The following MYO16 variants were observed in gnomAD, a reference collection of about 807,000 sequenced individuals.
MYO16 encodes myosin XVI, also known as unconventional myosin-XVI.
MYO16 carries 94 observed loss-of-function variants against 205.3 expected under a neutral mutation model. The observed-to-expected ratio is 0.46, with a 90% confidence interval of 0.39 to 0.54. The LOEUF is 0.54. MYO16 is among the 20% of genes least tolerant of loss of function. The probability of loss-of-function intolerance (pLI) is 0.00; values close to 1 mark genes in which losing one functional copy is unlikely to be tolerated. For missense variants in MYO16, 2,315 were observed against 2,387.5 expected (o/e 0.97, Z 0.63); for synonymous variants, 988 against 954.0 (o/e 1.04, Z -0.66).
rs569071876 is a variant in MYO16, at chr13:109,098,234, A to G, written c.3336-2551A>G. Among the ~76,000 whole-genome samples the G allele has an allele frequency of 3.0e-4, 45 of 152,336 alleles. 3 individuals are homozygous for G. The South Asian group carries it at 8.7e-3, about 29-fold the overall frequency. On this transcript the variant is annotated intron_variant, in intron 27 of 34. Transcript: ENST00000457511. ...GCGGTTCAGGCGTGAATATTAAATC[A>G]TTATAACTAGAATCAAACACATCTT...
chr13:108,812,180 C>G (rs890022043), intron 7 of MYO16, among the ~76,000 whole-genome samples: 8 of 152,150 alleles, frequency 5.3e-5, no homozygotes, highest in Non-Finnish European at 1.2e-4. Context: ...TCCTAATGCT[C>G]GGAATTTGCA....
At chr13:108,811,517 T>C (rs1426301440) in intron 7 of MYO16, among the ~76,000 whole-genome samples, 1 of 149,080 alleles carries the variant, frequency 6.7e-6, no homozygotes, top group Non-Finnish European at 1.5e-5. Flanking sequence ...GGCTGTCTCT[T>C]TTTTTCTGTC....
At chr13:108,716,245 G>T (rs1883940592) in intron 3 of MYO16, among the ~76,000 whole-genome samples, 1 of 152,176 alleles carries the variant, frequency 6.6e-6, no homozygotes. Context: ...ACAGTATACA[G>T]AGTATAATCT....
intron 33 of MYO16, among the ~76,000 whole-genome samples, chr13:109,179,257 C>T (rs1283807660): frequency 1.3e-5 from 2 of 152,210 alleles, no homozygotes; most frequent in African/African-American, 4.8e-5. Context: ...AGTTTCCCTT[C>T]TCCCCTCCAA....
intron 2 of MYO16, among the ~76,000 whole-genome samples, chr13:108,681,856 A>T (rs1389974037): frequency 6.6e-6 from 1 of 152,204 alleles, no homozygotes; most frequent in East Asian, 1.9e-4. Flanking sequence ...ATTGCTATTC[A>T]TGGTCCTCCA....
the MYO16 span, among the ~76,000 whole-genome samples, chr13:108,528,094 A>G: frequency 6.6e-6 from 1 of 152,236 alleles, no homozygotes; most frequent in Admixed American, 6.5e-5. Flanking sequence ...AAGTAAGATT[A>G]TGGAAAATAA....
At chr13:108,922,410 C>A (rs1050491421) in intron 16 of MYO16, among the ~76,000 whole-genome samples, 4 of 152,150 alleles carry the variant, frequency 2.6e-5, no homozygotes, top group African/African-American at 9.7e-5. Context: ...TTTAAAAAGG[C>A]AGCAATCGAA....
At chr13:109,168,922 G>A (rs564091895) in intron 33 of MYO16, among the ~76,000 whole-genome samples, 1 of 152,218 alleles carries the variant, frequency 6.6e-6, no homozygotes, top group South Asian at 2.1e-4. Flanking sequence ...GTGGCTGTAT[G>A]GCATCGTGGC....
At chr13:108,664,480 G>T (rs1881638968) in intron 1 of MYO16, among the ~76,000 whole-genome samples, 3 of 152,204 alleles carry the variant, frequency 2.0e-5, no homozygotes, top group African/African-American at 7.2e-5. Flanking sequence ...TGAGAATAAA[G>T]ACTTGGAAAG....
chr13:108,977,700 G>C (rs2139407077), intron 20 of MYO16, among the ~76,000 whole-genome samples: 1 of 152,200 alleles, frequency 6.6e-6, no homozygotes, highest in South Asian at 2.1e-4. Context: ...CTGTTTGTTA[G>C]CAATGTTTCT....
chr13:108,522,718 A>T, the MYO16 span, among the ~76,000 whole-genome samples: 1 of 151,486 alleles, frequency 6.6e-6, no homozygotes, highest in Admixed American at 6.6e-5. Flanking sequence ...CGGCTTGTAG[A>T]TCTCTGCTTT....
chr13:108,852,628 C>T (rs757769149), intron 10 of MYO16, among the ~76,000 whole-genome samples: 1 of 152,144 alleles, frequency 6.6e-6, no homozygotes, highest in Non-Finnish European at 1.5e-5. Context: ...GAGAACAGCG[C>T]GGACAGACCC....
At chr13:108,877,834 G>C (rs1879398480) in intron 12 of MYO16, among the ~76,000 whole-genome samples, 1 of 152,112 alleles carries the variant, frequency 6.6e-6, no homozygotes, top group African/African-American at 2.4e-5. Context: ...ATTTAATGTA[G>C]TAAGATCGCT....
chr13:108,639,475 G>T (rs1402648845), intron 1 of MYO16, among the ~76,000 whole-genome samples: 1 of 152,140 alleles, frequency 6.6e-6, no homozygotes, highest in Non-Finnish European at 1.5e-5. Flanking sequence ...AACCCAAGCA[G>T]ACCCTGTATC....
chr13:108,780,477 G>A (rs1022018969), intron 4 of MYO16, among the ~76,000 whole-genome samples: 2 of 152,106 alleles, frequency 1.3e-5, no homozygotes, highest in Non-Finnish European at 2.9e-5. Context: ...AGGAAGGAAG[G>A]AAGGGAGGGA....
rs1878454350 is a variant in MYO16, at chr13:109,162,932, A to G, written c.5165-1969A>G. Among the ~76,000 whole-genome samples the G allele has an allele frequency of 6.6e-6, 1 of 152,222 alleles. No individual in the cohort carries two copies. Among genetic ancestry groups the G allele is most frequent in the Non-Finnish European group, 1.5e-5 (1 of 68,044 alleles). ...GCCCATTCAATAATTGCTCATTGTCAAGAGCTAAAACAGTTAAGATCACCT... is the reference window on the plus strand; with the variant it reads ...GCCCATTCAATAATTGCTCATTGTCGAGAGCTAAAACAGTTAAGATCACCT... On this transcript the variant is annotated intron_variant, in intron 32 of 34. Coordinates refer to ENST00000457511, the MANE Select transcript of MYO16 (RefSeq NM_001198950.3). The surrounding 1 kb of genome is among the most constrained non-coding windows in gnomAD (Gnocchi z 4.6).
chr13:108,510,485 T>TTTTTTTTTTTTTTTTTTTTTTTTTA, the MYO16 span, among the ~76,000 whole-genome samples: 1 of 96,440 alleles, frequency 1.0e-5, no homozygotes, highest in Non-Finnish European at 2.2e-5. Context: ...TTTTTTTTTT[T>TTTTTTTTTTTTTTTTTTTTTTTTTA]ATTGTACTTT....
chr13:108,713,741 G>T (rs1883814771), intron 3 of MYO16, among the ~76,000 whole-genome samples: 1 of 152,208 alleles, frequency 6.6e-6, no homozygotes, highest in South Asian at 2.1e-4. Context: ...AACAGAAAAA[G>T]AACAGAGAAT....
In MYO16 at chr13:109,207,088, G is replaced by A. The variant is rs888313515; in HGVS notation, c.*252G>A. On this transcript the variant is annotated 3_prime_UTR_variant, in exon 35 of 35. Transcript: ENST00000457511. The stretch of plus-strand genomic sequence containing the variant: ...TCAAGCTCCTCATTTACGGCTCTGT[G>A]CTACCCCTAGGTAGCAAGAGAGAGG... 2.2e-6 allele frequency: 1 copy of A among 460,334 alleles called. No homozygotes were observed. Among genetic ancestry groups the A allele is most frequent in the African/African-American group, 2.0e-5 (1 of 51,140 alleles). 28.5% of individuals were successfully genotyped at this position (460,334 alleles called of 1,614,324 possible). A position where few individuals can be genotyped will look rare whatever the true frequency, so the allele number is the denominator to read the frequency against.
Sources: gnomAD v4.1 joint callset for allele counts (sites outside exome capture counted in the v4.1 genomes callset) on GRCh38, gnomAD v4.1.1 for gene constraint, Gnocchi (gnomAD v3.1) non-coding constraint, MANE v1.5 for transcripts, NCBI Gene and HGNC (gene_info 2026-07-23, HGNC 2026-07-21) for gene names.